Variants in TXNDC16 observed in about 807,000 individuals in gnomAD.
TXNDC16 encodes the protein thioredoxin domain-containing protein 16.
Under a neutral mutation model 85.6 loss-of-function variants are expected in TXNDC16, and 74 were observed. That is an observed-to-expected ratio of 0.86 (90% CI 0.72 to 1.05). TXNDC16 has a LOEUF of 1.05. Ranked by LOEUF, TXNDC16 falls within the 50% of genes least tolerant of loss-of-function variation. TXNDC16 has a pLI of 0.00. For synonymous variants in TXNDC16, 335 were observed against 326.5 expected (o/e 1.03, Z -0.28); for missense variants, 959 against 947.0 (o/e 1.01, Z -0.17).
intron 1 of TXNDC16, among the ~76,000 whole-genome samples, chr14:52,550,042 T>C (rs1425920841): frequency 1.3e-5 from 2 of 152,220 alleles, no homozygotes; most frequent in East Asian, 3.8e-4. Flanking sequence ...ATTTAAATTT[T>C]AGAATAGCTG....
chr14:52,471,221 AT>A, intron 14 of TXNDC16, among the ~76,000 whole-genome samples: 1 of 152,294 alleles, frequency 6.6e-6, no homozygotes, highest in African/African-American at 2.4e-5. Flanking sequence ...AAGGCCCTTC[AT>A]GCCTATTGAT....
chr14:52,540,414 C>T (rs1327159273), intron 4 of TXNDC16, among the ~76,000 whole-genome samples: 1 of 152,158 alleles, frequency 6.6e-6, no homozygotes, highest in Admixed American at 6.5e-5. Flanking sequence ...CACCCGAAGT[C>T]AGGAGTTTGA....
chr14:52,508,730 G>GC (rs1362792988), intron 9 of TXNDC16, among the ~76,000 whole-genome samples: 1 of 152,146 alleles, frequency 6.6e-6, no homozygotes, highest in Non-Finnish European at 1.5e-5. Context: ...GGAATACTAT[G>GC]CAGCCTTAAA....
At chr14:52,434,182 CTG>C (rs2034972747) in intron 20 of TXNDC16, among the ~76,000 whole-genome samples, 1 of 152,200 alleles carries the variant, frequency 6.6e-6, no homozygotes. Context: ...GAGTGTGACA[CTG>C]TCTCAACAAC....
chr14:52,433,834 AATAACT>A (rs1412791521), intron 20 of TXNDC16, among the ~76,000 whole-genome samples: 12 of 152,212 alleles, frequency 7.9e-5, no homozygotes, highest in Admixed American at 7.2e-4. Context: ...AGGTAAGAAG[AATAACT>A]GTAGTTTGCA....
At chr14:52,453,500 AAAAG>A (rs2140113363) in intron 18 of TXNDC16, among the ~76,000 whole-genome samples, 1 of 152,376 alleles carries the variant, frequency 6.6e-6, no homozygotes, top group African/African-American at 2.4e-5. Context: ...CGTCATAAAA[AAAAG>A]AATGAGATTC....
intron 6 of TXNDC16, among the ~76,000 whole-genome samples, chr14:52,520,735 A>C (rs750027247): frequency 7.2e-5 from 11 of 152,176 alleles, no homozygotes; most frequent in Non-Finnish European, 1.3e-4. Context: ...GATAGGCTAA[A>C]CTTCAAAAAA....
intron 18 of TXNDC16, among the ~76,000 whole-genome samples, chr14:52,452,333 A>G (rs1399222646): frequency 6.6e-6 from 1 of 152,192 alleles, no homozygotes; most frequent in Non-Finnish European, 1.5e-5. Flanking sequence ...AAATAATTCT[A>G]ACATTTATAT....
At chr14:52,540,001 A>G (rs893739177) in intron 4 of TXNDC16, among the ~76,000 whole-genome samples, 7 of 152,172 alleles carry the variant, frequency 4.6e-5, no homozygotes, top group African/African-American at 7.2e-5. Context: ...AATTGCTCAC[A>G]TATTCAAGTG....
chr14:52,522,046 T>C (rs115631526), intron 6 of TXNDC16, among the ~76,000 whole-genome samples: 1,825 of 152,326 alleles, frequency 0.012, 35 homozygotes, highest in African/African-American at 0.04. Context: ...TGGCTGCCTA[T>C]ACATTTTGGC....
chr14:52,503,409 G>A (rs780184475), intron 9 of TXNDC16, among the ~76,000 whole-genome samples: 1 of 152,342 alleles, frequency 6.6e-6, no homozygotes, highest in East Asian at 1.9e-4. Flanking sequence ...AACATTTGCT[G>A]TTCACCAATA....
intron 16 of TXNDC16, among the ~76,000 whole-genome samples, chr14:52,465,016 T>C (rs2035738982): frequency 6.6e-6 from 1 of 152,216 alleles, no homozygotes; most frequent in Non-Finnish European, 1.5e-5. Flanking sequence ...AGGGCACATA[T>C]TAATATTCTT....
chr14:52,513,907 T>C (rs17125541), intron 8 of TXNDC16, among the ~76,000 whole-genome samples: 7,084 of 152,114 alleles, frequency 0.047, 533 homozygotes, highest in African/African-American at 0.16. Flanking sequence ...CACTGTGGTA[T>C]GGAGAATAAC....
At chr14:52,520,438 C>T (rs544956926) in intron 6 of TXNDC16, among the ~76,000 whole-genome samples, 34 of 152,044 alleles carry the variant, frequency 2.2e-4, no homozygotes, top group African/African-American at 8.0e-4. Context: ...GGTGAAACCC[C>T]GTCTCTACTA....
At chr14:52,488,278 T>G in intron 12 of TXNDC16, 85 bp downstream of exon 12, 8 of 1,513,556 alleles carry the variant, frequency 5.3e-6, no homozygotes, top group African/African-American at 1.4e-5. Flanking sequence ...AACACATTCT[T>G]GGAGAAAGTT....
chr14:52,475,253 G>A (rs2035994640), intron 14 of TXNDC16, among the ~76,000 whole-genome samples: 1 of 152,142 alleles, frequency 6.6e-6, no homozygotes, highest in Admixed American at 6.5e-5. Flanking sequence ...CTCAGAGAAG[G>A]CCACAGAGAA....
intron 4 of TXNDC16, among the ~76,000 whole-genome samples, chr14:52,540,916 T>C (rs557900305): frequency 6.6e-5 from 10 of 152,248 alleles, no homozygotes; most frequent in South Asian, 6.2e-4. Context: ...CCTTTCCAGA[T>C]AGAGCTCAGC....
rs1566553678 is a variant in TXNDC16, at chr14:52,485,692, C to CTGAAT, written c.1108+2670_1108+2671insATTCA. 2.0e-4 allele frequency among the ~76,000 whole-genome samples: 31 copies of CTGAAT among 152,232 alleles called. No homozygotes were observed. In the South Asian group the frequency reaches 6.0e-3, roughly 30 times the overall value. On this transcript the variant is annotated intron_variant, in intron 12 of 20. Transcript: ENST00000281741. ...TTGTGTTATAGGTACCTACAGTATT[C>CTGAAT]AGTACAGTAACATGCTGTATAGGTT...
intron 15 of TXNDC16, 122 bp downstream of exon 15, chr14:52,470,390 T>G: frequency 8.4e-7 from 1 of 1,188,000 alleles, no homozygotes; most frequent in Non-Finnish European, 1.2e-6. Flanking sequence ...TCATAAATAT[T>G]CATTTTGTGA....
Sources: allele counts gnomAD v4.1 joint callset (sites outside exome capture counted in the v4.1 genomes callset), GRCh38; gene constraint gnomAD v4.1.1; transcripts MANE v1.5; gene names NCBI Gene and HGNC (gene_info 2026-07-23, HGNC 2026-07-21).